The following GPM6A variants were observed in gnomAD, a reference collection of about 807,000 sequenced individuals.
GPM6A encodes the protein neuronal membrane glycoprotein M6-a.
GPM6A carries 7 observed loss-of-function variants against 32.1 expected under a neutral mutation model. The ratio of observed to expected loss-of-function variants is 0.22; its 90% CI spans 0.12 to 0.41. The LOEUF is 0.41. Among genes scored for constraint, GPM6A ranks in the 10% least tolerant of loss-of-function variants. The pLI, the probability that GPM6A is intolerant of heterozygous loss-of-function variation, is 1.00. For missense variants in GPM6A, 235 were observed against 347.2 expected (o/e 0.68, Z 2.57); for synonymous variants, 130 against 123.4 (o/e 1.05, Z -0.35).
In GPM6A at chr4:175,840,921, T is replaced by G. The variant is rs142740707; in HGVS notation, c.-22-28672A>C. Reference sequence around the variant, plus strand: ...TGAGTTCCCGTTGGGCTCAAATTACTTTTTTAAGTCCTTAACATATAGTAA... The same window carrying G: ...TGAGTTCCCGTTGGGCTCAAATTACGTTTTTAAGTCCTTAACATATAGTAA... On this transcript the variant is annotated intron_variant, in intron 1 of 7. Transcript: ENST00000280187. Among the ~76,000 whole-genome samples, 1,018 of 152,306 alleles carry G rather than the reference T, an allele frequency of 6.7e-3. 8 individuals are homozygous for G. The highest frequency in any genetic ancestry group is 0.022 in the African/African-American group (929 of 41,584).
intron 1 of GPM6A, chr4:175,962,341 T>C: frequency 1.2e-6 from 1 of 825,174 alleles, no homozygotes; most frequent in South Asian, 1.3e-5. Flanking sequence ...GAACATCAGC[T>C]TCTTAAGACT....
At chr4:175,747,402 A>G (rs1446376701) in intron 1 of GPM6A, among the ~76,000 whole-genome samples, 1 of 152,250 alleles carries the variant, frequency 6.6e-6, no homozygotes, top group East Asian at 1.9e-4. Context: ...TACATACAGT[A>G]GTATGCACTA....
At chr4:175,749,890 ATG>A (rs1364521791) in intron 1 of GPM6A, among the ~76,000 whole-genome samples, 2 of 152,098 alleles carry the variant, frequency 1.3e-5, no homozygotes, top group East Asian at 3.9e-4. Flanking sequence ...CACATCATCT[ATG>A]CCTTCTGTGT....
chr4:175,741,053 A>T (rs1731868655), intron 1 of GPM6A, among the ~76,000 whole-genome samples: 2 of 152,018 alleles, frequency 1.3e-5, no homozygotes, highest in Non-Finnish European at 2.9e-5. Flanking sequence ...TGTAGTATAG[A>T]TTGTCTCCTA....
chr4:175,832,788 G>A (rs17062123), intron 1 of GPM6A, among the ~76,000 whole-genome samples: 2,002 of 152,272 alleles, frequency 0.013, 49 homozygotes, highest in African/African-American at 0.046. Context: ...GCAAGAGAAA[G>A]AAAACCAGCT....
At chr4:175,952,802 T>C (rs1283165512) in intron 1 of GPM6A, among the ~76,000 whole-genome samples, 2 of 152,054 alleles carry the variant, frequency 1.3e-5, no homozygotes, top group African/African-American at 4.8e-5. Context: ...TCTCAGCACT[T>C]TGGGAGGCTG....
chr4:175,684,896 TA>T (rs1436163162), intron 2 of GPM6A, among the ~76,000 whole-genome samples: 9 of 152,218 alleles, frequency 5.9e-5, no homozygotes, highest in Non-Finnish European at 8.8e-5. Flanking sequence ...GTTTTATTAT[TA>T]TTTTTTTTTG....
chr4:175,698,655 G>A (rs1449276628), intron 2 of GPM6A, among the ~76,000 whole-genome samples: 1 of 152,148 alleles, frequency 6.6e-6, no homozygotes, highest in Non-Finnish European at 1.5e-5. Flanking sequence ...TAGGGAGAGA[G>A]TCTCAAATAC....
chr4:175,836,079 C>T (rs796148166), intron 1 of GPM6A, among the ~76,000 whole-genome samples: 2 of 152,098 alleles, frequency 1.3e-5, no homozygotes, highest in South Asian at 2.1e-4. Flanking sequence ...CCAGGAACAG[C>T]TCCACATTAT....
chr4:175,657,614 A>C (rs1042509255), intron 3 of GPM6A, among the ~76,000 whole-genome samples: 2 of 152,300 alleles, frequency 1.3e-5, no homozygotes, highest in South Asian at 4.1e-4. Flanking sequence ...TAAAATAGCC[A>C]AAGGCATGAA....
intron 1 of GPM6A, among the ~76,000 whole-genome samples, chr4:175,720,474 A>G (rs1036944330): frequency 1.3e-5 from 2 of 152,140 alleles, no homozygotes; most frequent in African/African-American, 4.8e-5. Context: ...AAAACATTAG[A>G]TCTTTATTAT....
chr4:175,652,402 A>G (rs1440792849), intron 3 of GPM6A, among the ~76,000 whole-genome samples: 4 of 152,264 alleles, frequency 2.6e-5, no homozygotes, highest in African/African-American at 7.2e-5. Context: ...AACTGTCATC[A>G]TGTCATGTCG....
chr4:175,813,681 T>C (rs548036920), upstream of GPM6A, among the ~76,000 whole-genome samples: 2 of 152,180 alleles, frequency 1.3e-5, no homozygotes, highest in South Asian at 2.1e-4. Context: ...GTTTCTTGCA[T>C]TATAGCTTGT....
intron 1 of GPM6A, 33 bp downstream of exon 1, chr4:175,812,158 C>T: frequency 6.9e-7 from 1 of 1,459,604 alleles, no homozygotes; most frequent in Non-Finnish European, 9.5e-7. Flanking sequence ...AAAATAATTA[C>T]TTAGTTACAA....
intron 5 of GPM6A, among the ~76,000 whole-genome samples, chr4:175,640,542 T>C (rs1741082005): frequency 6.6e-6 from 1 of 152,184 alleles, no homozygotes; most frequent in African/African-American, 2.4e-5. Context: ...TCCAGAAAAT[T>C]TGAAATAGTT....
Position 175,931,681 on chromosome 4 carries a change from C to T in GPM6A, c.-23+70628G>A, listed in dbSNP as rs982445779. 7.0e-3 allele frequency among the ~76,000 whole-genome samples: 988 copies of T among 140,482 alleles called. 18 individuals carry two copies. Among genetic ancestry groups the T allele is most frequent in the African/African-American group, 0.02 (724 of 35,368 alleles). The allele number at this position is 140,482 out of a possible 152,430, so 92.2% of individuals were successfully genotyped here. On this transcript the variant is annotated intron_variant, in intron 1 of 7. Coordinates refer to the GPM6A transcript ENST00000280187. ...ATGTGTTAAAAAATATACACACACA[C>T]ACACACACACACACACACACACACA...
At chr4:175,643,246 A>T (rs1741258578) in intron 4 of GPM6A, among the ~76,000 whole-genome samples, 1 of 152,086 alleles carries the variant, frequency 6.6e-6, no homozygotes, top group Non-Finnish European at 1.5e-5. Flanking sequence ...TAATCCTTCT[A>T]TTATTAGTCA....
intron 1 of GPM6A, among the ~76,000 whole-genome samples, chr4:175,870,788 A>ATTAACTAGC (rs1647096177): frequency 6.6e-6 from 1 of 152,126 alleles, no homozygotes; most frequent in South Asian, 2.1e-4. Flanking sequence ...TGTTTCCCTT[A>ATTAACTAGC]TTAACTAGCT....
chr4:175,862,204 A>G (rs1181119510), intron 1 of GPM6A, among the ~76,000 whole-genome samples: 1 of 152,220 alleles, frequency 6.6e-6, no homozygotes, highest in Non-Finnish European at 1.5e-5. Flanking sequence ...ACTTTGCAAG[A>G]GTAAAGCCCA....
Sources: allele counts gnomAD v4.1 joint callset (sites outside exome capture counted in the v4.1 genomes callset), GRCh38; gene constraint gnomAD v4.1.1; transcripts MANE v1.5; gene names NCBI Gene and HGNC (gene_info 2026-07-23, HGNC 2026-07-21).